GRN: variants seen among roughly 807,000 people sequenced by gnomAD.
GRN encodes granulin precursor, also known as progranulin.
In GRN, 30 loss-of-function variants were observed where a neutral mutation model predicts 66.7. The ratio of observed to expected loss-of-function variants is 0.45; its 90% CI spans 0.34 to 0.61. The LOEUF is 0.61. Ranked by LOEUF, GRN falls within the 20% of genes least tolerant of loss-of-function variation. The probability of loss-of-function intolerance (pLI) is 0.01; values close to 1 mark genes in which losing one functional copy is unlikely to be tolerated. For missense variants in GRN, 731 were observed against 803.5 expected (o/e 0.91, Z 1.09); for synonymous variants, 327 against 311.1 (o/e 1.05, Z -0.54).
Position 44,350,439 on chromosome 17 carries a change from C to T in GRN, c.463-3C>T, listed in dbSNP as rs745676478. On this transcript the variant is annotated splice_region_variant and splice_polypyrimidine_tract_variant and intron_variant, in intron 5 of 12. Coordinates refer to ENST00000053867, the MANE Select transcript of GRN (RefSeq NM_002087.4). ...AGACGGAGTCAGGACCATTTTTTCT[C>T]AGGCTTCCTGCTGTGAAGACAGGGT... 1.9e-6 allele frequency: 3 copies of T among 1,613,940 alleles called. No individual in the cohort carries two copies. Among genetic ancestry groups the T allele is most frequent in the Non-Finnish European group, 2.5e-6 (3 of 1,179,966 alleles).
At chr17:44,345,727 C>T (rs2048322035) in intron 1 of GRN, 1 of 152,206 alleles carries the variant, frequency 6.6e-6, no homozygotes, top group African/African-American at 2.4e-5. Context: ...GACCTGAGAC[C>T]TTGGCTTCTC....
At position 44,349,245 on chromosome 17, in the gene GRN, T is replaced by C. The variant is rs749117254; in HGVS notation, c.81T>C (p.Pro27=). ...GTRCPDGQFC[P]VACCLDPGGA... ...GGTGCCCAGATGGTCAGTTCTGCCCTGTGGCCTGCTGCCTGGACCCCGGAG... is the reference window on the plus strand; with the variant it reads ...GGTGCCCAGATGGTCAGTTCTGCCCCGTGGCCTGCTGCCTGGACCCCGGAG... Residue 27 remains proline, a synonymous_variant, in exon 2 of 13, where the codon CCT becomes CCC. Transcript: ENST00000053867. The C allele has an allele frequency of 1.2e-6, 2 of 1,614,024 alleles. No homozygotes were observed. Among genetic ancestry groups the C allele is most frequent in the South Asian group, 2.2e-5 (2 of 91,088 alleles).
rs751366138 is a variant in GRN, at chr17:44,349,643, T to C, written c.265-24T>C. The C allele has an allele frequency of 6.8e-6, 11 of 1,611,570 alleles. No homozygotes were observed. In the East Asian group the frequency reaches 2.2e-4, roughly 33 times the overall value. On this transcript the variant is annotated intron_variant, in intron 3 of 12. Coordinates refer to ENST00000053867, the MANE Select transcript of GRN (RefSeq NM_002087.4). ...CCTGCAGATAAAAGGGCCCTGCCAA[T>C]GCAGGTTTCTCTGTGTTCCACAGGC...
Position 44,353,061 on chromosome 17 carries a change from T to G in GRN, c.*263T>G. 1 of 588,082 alleles carries G rather than the reference T, an allele frequency of 1.7e-6. No homozygotes were observed. The highest frequency in any genetic ancestry group is 2.8e-5 in the East Asian group (1 of 35,438). 36.4% of individuals were successfully genotyped at this position (588,082 alleles called of 1,614,324 possible). ...TTTTCCCTATCCACAGGGGTGTTTG[T>G]GTGTGTGCGCGTGTGCGTTTCAATA... On this transcript the variant is annotated 3_prime_UTR_variant, in exon 13 of 13. Coordinates refer to ENST00000053867, the MANE Select transcript of GRN (RefSeq NM_002087.4).
chr17:44,349,373 G>T lies in GRN; in HGVS notation c.139-53G>T, dbSNP rs550023115. The T allele has an allele frequency of 7.4e-5, 119 of 1,614,068 alleles. 1 individual carries two copies. The highest frequency in any genetic ancestry group is 3.3e-4 in the Middle Eastern group (2 of 6,084). The stretch of plus-strand genomic sequence containing the variant: ...CCAAAGGGTCATCTTGGATTGGCCA[G>T]AGGAGGACGCCAGGCACAAGTCTGT... On this transcript the variant is annotated intron_variant, in intron 2 of 12. Coordinates refer to ENST00000053867, the MANE Select transcript of GRN (RefSeq NM_002087.4).
chr17:44,351,741 C>T lies in GRN; in HGVS notation c.1125C>T (p.Ser375=), dbSNP rs569994549. Reference sequence around the variant, plus strand: ...ATAATGTCAGCAGCTGTCCCTCCTCCGATACCTGCTGCCAACTCACGTCTG... The same window carrying T: ...ATAATGTCAGCAGCTGTCCCTCCTCTGATACCTGCTGCCAACTCACGTCTG... ...PCDNVSSCPS[S]DTCCQLTSGE... The change falls in exon 10 of 13, where the codon TCC becomes TCT. Residue 375 remains serine (S), a synonymous_variant. Transcript: ENST00000053867. 18 of 1,613,588 alleles carry T rather than the reference C, an allele frequency of 1.1e-5. No individual in the cohort carries two copies. Among genetic ancestry groups the T allele is most frequent in the South Asian group, 9.9e-5 (9 of 91,084 alleles).
rs1567888461 is a variant in GRN, at chr17:44,352,373, C to A, written c.1446C>A (p.Cys482Ter). The change falls in exon 12 of 13, where the codon TGC (cysteine) becomes TGA (stop). Residue 482 changes from cysteine to a stop codon, truncating the protein, a stop_gained. Transcript: ENST00000053867. LOFTEE classifies it high-confidence loss of function. ...AVCCEDRQHC[C>*]PAGYTCNVKA... Reference sequence around the variant, plus strand: ...GCTGCGAGGATCGCCAGCACTGCTGCCCGGCTGGCTACACCTGCAACGTGA... The same window carrying A: ...GCTGCGAGGATCGCCAGCACTGCTGACCGGCTGGCTACACCTGCAACGTGA... 2 of 1,613,640 alleles carry A rather than the reference C, an allele frequency of 1.2e-6. No homozygotes were observed. Among genetic ancestry groups the A allele is most frequent in the Non-Finnish European group, 1.7e-6 (2 of 1,180,012 alleles).
At chr17:44,349,048 C>T in intron 1 of GRN, 110 bp from the exon 2 acceptor site, 3 of 1,210,162 alleles carry the variant, frequency 2.5e-6, no homozygotes, top group Non-Finnish European at 3.6e-6. Context: ...TGAGAAGGCT[C>T]AGGCAGTCCT....
rs63750707 is a variant in GRN at position 44,351,461 on chromosome 17, G to A, written c.933+1G>A. ...CTGGGGCTGCTGCCCTTTTACCCAG[G>A]TACCCAGGGGTGGCGGGTGGGTGGG... is the stretch of plus-strand genomic sequence containing the variant. On this transcript the variant is annotated splice_donor_variant, in intron 9 of 12. Transcript: ENST00000053867. LOFTEE classifies it high-confidence loss of function. 3.3e-6 allele frequency: 5 copies of A among 1,516,128 alleles called. No individual in the cohort carries two copies. Among genetic ancestry groups the A allele is most frequent in the Non-Finnish European group, 4.6e-6 (5 of 1,098,084 alleles). The allele number at this position is 1,516,128 out of a possible 1,614,324, so 93.9% of individuals were successfully genotyped here. A position where few individuals can be genotyped will look rare whatever the true frequency, so the allele number is the denominator to read the frequency against.
At chr17:44,351,871 G>GCCCATAGGTGATA in intron 10 of GRN, 76 bp downstream of exon 10, 1 of 1,531,988 alleles carries the variant, frequency 6.5e-7, no homozygotes, top group East Asian at 2.2e-5. Flanking sequence ...CCTCCGCATA[G>GCCCATAGGTGATA]CCCATAGGTG....
At position 44,351,637 on chromosome 17, in the gene GRN, C is replaced by G; in HGVS notation, c.1021C>G (p.Gln341Glu). 6.2e-7 allele frequency: 1 copy of G among 1,614,064 alleles called. No individual in the cohort carries two copies. The highest frequency in any genetic ancestry group is 1.6e-4 in the Middle Eastern group (1 of 6,062). Residue 341 changes from glutamine (Q) to glutamate (E), a missense_variant, in exon 10 of 13, where the codon CAG (glutamine) becomes GAG (glutamate). Transcript: ENST00000053867. ...QKGTCEQGPHQVPWMEKAPAH... is the reference protein window; with the variant it reads ...QKGTCEQGPHEVPWMEKAPAH... ...GGGTACCTGTGAACAGGGGCCCCAC[C>G]AGGTGCCCTGGATGGAGAAGGCCCC...
At chr17:44,349,037 T>C (rs1293879933) in intron 1 of GRN, 121 bp from the exon 2 acceptor site, 18 of 1,066,224 alleles carry the variant, frequency 1.7e-5, no homozygotes, top group Non-Finnish European at 7.2e-6. Context: ...CAGGGAGGTG[T>C]TGAGAAGGCT....
chr17:44,351,235 C>G, intron 8 of GRN, 72 bp downstream of exon 8: 1 of 1,585,684 alleles, frequency 6.3e-7, no homozygotes, highest in South Asian at 1.1e-5. Context: ...CTTAGGATCA[C>G]TGCAAGGTGG....
At position 44,352,123 on chromosome 17, in the gene GRN, C is replaced by G. The variant is rs200645022; in HGVS notation, c.1288C>G (p.Pro430Ala). 59 of 1,613,616 alleles carry G rather than the reference C, an allele frequency of 3.7e-5. 1 individual carries two copies. In the Middle Eastern group the frequency reaches 4.9e-4, roughly 13 times the overall value. Reference protein sequence around the residue: ...SEIVAGLEKMPARRASLSHPR... With the variant: ...SEIVAGLEKMAARRASLSHPR... ...GATCGTGGCTGGACTGGAGAAGATG[C>G]CTGCCCGCCGGGCTTCCTTATCCCA... The change falls in exon 11 of 13, where the codon CCT becomes GCT. Residue 430 changes from proline (P) to alanine (A), a missense_variant. Physicochemically the swap from Pro to Ala is conservative, Grantham distance 27. Transcript: ENST00000053867.
At chr17:44,346,927 C>G (rs2048330150) in intron 1 of GRN, among the ~76,000 whole-genome samples, 1 of 152,052 alleles carries the variant, frequency 6.6e-6, no homozygotes, top group Admixed American at 6.6e-5. Flanking sequence ...ACCAGCCTGA[C>G]CAACATGGTG....
chr17:44,350,406 G>C (rs200685431), intron 5 of GRN, 36 bp from the exon 6 acceptor site: 10 of 1,613,318 alleles, frequency 6.2e-6, no homozygotes, highest in Non-Finnish European at 7.6e-6. Context: ...GCCAGGGGCA[G>C]GGGGTGAAGA....
rs534988744 is a variant in GRN, at chr17:44,352,483, T to A, written c.1556T>A (p.Val519Glu). The change falls in exon 12 of 13, where the codon GTG becomes GAG. Residue 519 changes from valine (V) to glutamate (E), a missense_variant. Transcript: ENST00000053867. Reference sequence around the variant, plus strand: ...AGCCCTCACGTGGGTGTGAAGGACGTGGAGTGTGGGGAAGGACACTTCTGC... The same window carrying A: ...AGCCCTCACGTGGGTGTGAAGGACGAGGAGTGTGGGGAAGGACACTTCTGC... Reference protein sequence around the residue: ...ARSPHVGVKDVECGEGHFCHD... With the variant: ...ARSPHVGVKDEECGEGHFCHD... 2 of 1,614,082 alleles carry A rather than the reference T, an allele frequency of 1.2e-6. No homozygotes were observed. Among genetic ancestry groups the A allele is most frequent in the African/African-American group, 1.3e-5 (1 of 75,038 alleles).
rs752764522 is a variant in GRN, at chr17:44,352,717, C to T, written c.1701C>T (p.Ala567=). The change falls in exon 13 of 13, where the codon GCC becomes GCT. Residue 567 remains alanine (A), a synonymous_variant. Transcript: ENST00000053867. ...GTCCTGCTGGCTTCCGCTGCGCAGCCAGGGGTACCAAGTGTTTGCGCAGGG... is the reference window on the plus strand; with the variant it reads ...GTCCTGCTGGCTTCCGCTGCGCAGCTAGGGGTACCAAGTGTTTGCGCAGGG... ...HCCPAGFRCA[A]RGTKCLRREA... 6.2e-7 allele frequency: 1 copy of T among 1,611,140 alleles called. No homozygotes were observed. Among genetic ancestry groups the T allele is most frequent in the Non-Finnish European group, 8.5e-7 (1 of 1,180,000 alleles).
In GRN at chr17:44,349,267, G is replaced by A. The variant is rs533451404; in HGVS notation, c.103G>A (p.Gly35Arg). 25 of 1,613,824 alleles carry A rather than the reference G, an allele frequency of 1.5e-5. No homozygotes were observed. Among genetic ancestry groups the A allele is most frequent in the Admixed American group, 1.0e-4 (6 of 60,012 alleles). The stretch of plus-strand genomic sequence containing the variant: ...CCCTGTGGCCTGCTGCCTGGACCCC[G>A]GAGGAGCCAGCTACAGCTGCTGCCG... The part of the protein sequence containing the change: ...FCPVACCLDP[G>R]GASYSCCRPL... Residue 35 changes from glycine (G) to arginine (R), a missense_variant, in exon 2 of 13, where the codon GGA (glycine) becomes AGA (arginine). This residue lies in a region of GRN where 370 missense variants were observed against 379.8 expected (regional missense o/e 0.97). Transcript: ENST00000053867.
Sources: allele counts gnomAD v4.1 joint callset (sites outside exome capture counted in the v4.1 genomes callset), GRCh38; gene constraint gnomAD v4.1.1; regional missense constraint gnomAD v4.1.1; transcripts MANE v1.5; gene names NCBI Gene and HGNC (gene_info 2026-07-23, HGNC 2026-07-21).